Variants in WFS1 observed in about 807,000 individuals in gnomAD.
The protein encoded by WFS1 is wolframin.
A neutral mutation model predicts 68.5 loss-of-function variants in WFS1; 90 were observed. The observed-to-expected ratio is 1.31, with a 90% CI of 1.11 to 1.56. WFS1 has a LOEUF of 1.56. WFS1 is among the 40% of genes most tolerant of loss of function. The pLI is 0.00. For missense variants in WFS1, 1,767 were observed against 1,232.6 expected, an observed-to-expected ratio of 1.43 and a Z score of -6.49; for synonymous variants, 860 against 540.7, an observed-to-expected ratio of 1.59 and a Z score of -8.19.
chr4:6,279,406 G>A (rs373353469), intron 2 of WFS1, among the ~76,000 whole-genome samples: 7 of 152,338 alleles, frequency 4.6e-5, no homozygotes, highest in African/African-American at 1.7e-4. Context: ...GGAAACCGAG[G>A]GATAGAGGGC....
At chr4:6,271,125 C>T (rs1729826566) in intron 1 of WFS1, among the ~76,000 whole-genome samples, 1 of 152,228 alleles carries the variant, frequency 6.6e-6, no homozygotes, top group African/African-American at 2.4e-5. Flanking sequence ...GGAGAGGGAG[C>T]CCACGGGAAG....
At position 6,301,215 on chromosome 4, in the gene WFS1, A is replaced by G. The variant is rs773814197; in HGVS notation, c.1420A>G (p.Met474Val). 1.2e-6 allele frequency: 2 copies of G among 1,611,834 alleles called. No individual in the cohort carries two copies. Among genetic ancestry groups the G allele is most frequent in the Non-Finnish European group, 8.5e-7 (1 of 1,179,988 alleles). The change falls in exon 8 of 8, where the codon ATG (methionine) becomes GTG (valine). Residue 474 changes from methionine (M) to valine (V), a missense_variant. By Grantham distance (21) the Met-to-Val change is conservative (BLOSUM62 1). Coordinates refer to ENST00000226760, the MANE Select transcript of WFS1 (RefSeq NM_006005.3). ...TAGLLSLLPS[M>V]PLNWPYLKVL... ...CGGCCTGCTATCGCTGCTGCCCTCC[A>G]TGCCCTTGAATTGGCCCTACCTGAA...
At chr4:6,277,780 A>AGG in intron 2 of WFS1, 93 bp downstream of exon 2, 1 of 1,388,172 alleles carries the variant, frequency 7.2e-7, no homozygotes, top group Non-Finnish European at 9.9e-7. Context: ...TCCCCCCGCC[A>AGG]GGTCCTCTGC....
In WFS1 at chr4:6,302,709, T is replaced by A; in HGVS notation, c.*241T>A. The A allele has an allele frequency of 1.6e-6, 1 of 622,518 alleles. No individual in the cohort carries two copies. The highest frequency in any genetic ancestry group is 2.8e-6 in the Non-Finnish European group (1 of 362,596). 38.6% of individuals were successfully genotyped at this position (622,518 alleles called of 1,614,324 possible). On this transcript the variant is annotated 3_prime_UTR_variant, in exon 8 of 8. Coordinates refer to ENST00000226760, the MANE Select transcript of WFS1 (RefSeq NM_006005.3). Reference sequence around the variant, plus strand: ...TTGCATGCCATCTCCACCCTGAGCCTGACCTTTCTGAGTGACATGGGTGTG... The same window carrying A: ...TTGCATGCCATCTCCACCCTGAGCCAGACCTTTCTGAGTGACATGGGTGTG...
rs1467294169 is a variant in WFS1, at chr4:6,301,249, G to A, written c.1454G>A (p.Gly485Asp). The change falls in exon 8 of 8, where the codon GGC becomes GAC. Residue 485 changes from glycine to aspartate, a missense_variant. By Grantham distance (94) the Gly-to-Asp change is moderately conservative. Coordinates refer to ENST00000226760, the MANE Select transcript of WFS1 (RefSeq NM_006005.3). ...PLNWPYLKVL[G>D]QTFITVPVGH... ...AATTGGCCCTACCTGAAGGTCCTTG[G>A]CCAGACCTTCATCACCGTGCCTGTC... is the stretch of plus-strand genomic sequence containing the variant. 1.2e-6 allele frequency: 2 copies of A among 1,611,394 alleles called. No homozygotes were observed. The highest frequency in any genetic ancestry group is 1.1e-5 in the South Asian group (1 of 91,082).
intron 1 of WFS1, among the ~76,000 whole-genome samples, chr4:6,274,244 T>G (rs1729923017): frequency 6.6e-6 from 1 of 152,074 alleles, no homozygotes; most frequent in Admixed American, 6.5e-5. Context: ...AGACGGGGTT[T>G]CACTGTGTTA....
At chr4:6,292,219 C>A (rs71532855) in intron 6 of WFS1, among the ~76,000 whole-genome samples, 1 of 152,192 alleles carries the variant, frequency 6.6e-6, no homozygotes, top group Non-Finnish European at 1.5e-5. Flanking sequence ...TGGGAGTAGA[C>A]CCTGCCCACC....
At position 6,302,399 on chromosome 4, in the gene WFS1, C is replaced by T. The variant is rs776353377; in HGVS notation, c.2604C>T (p.Arg868=). The change falls in exon 8 of 8, where the codon CGC becomes CGT. Residue 868 remains arginine (R), a synonymous_variant. Transcript: ENST00000226760. The part of the protein sequence containing the change: ...RRHVKIEHDW[R]STVHGAVKFA... ...ACGTGAAGATCGAGCACGACTGGCG[C>T]AGCACCGTGCATGGCGCCGTGAAGT... 3.7e-6 allele frequency: 6 copies of T among 1,613,212 alleles called. No homozygotes were observed. The highest frequency in any genetic ancestry group is 2.2e-5 in the East Asian group (1 of 44,886).
intron 2 of WFS1, among the ~76,000 whole-genome samples, chr4:6,280,725 T>G (rs1730136774): frequency 6.6e-6 from 1 of 152,170 alleles, no homozygotes; most frequent in African/African-American, 2.4e-5. Context: ...GTGGCCCTGG[T>G]GGGCACTCAG....
chr4:6,301,091 G>GGCT lies in WFS1; in HGVS notation c.1298_1300dup (p.Ala433dup). ...AGGACTGCATCCCCTGCTCGGAGCT[G>GGCT]GCTGTCATCACCGGCTTCTTTACCG... On this transcript the variant is annotated inframe_insertion, in exon 8 of 8. Transcript: ENST00000226760. 1 of 1,614,012 alleles carries GGCT rather than the reference G, an allele frequency of 6.2e-7. No individual in the cohort carries two copies. The highest frequency in any genetic ancestry group is 8.5e-7 in the Non-Finnish European group (1 of 1,180,028).
At position 6,291,321 on chromosome 4, in the gene WFS1, G is replaced by T; in HGVS notation, c.585G>T (p.Val195=). Residue 195 remains valine (V), a synonymous_variant, in exon 5 of 8, where the codon GTG becomes GTT. Coordinates refer to ENST00000226760, the MANE Select transcript of WFS1 (RefSeq NM_006005.3). The stretch of plus-strand genomic sequence containing the variant: ...TCAACCCCAAGAAGAAGAAGCAGGT[G>T]GCCGTGGCGGAGCTGCTGGAGAATG... ...WKLNPKKKKQ[V]AVAELLENVG... is the part of the protein sequence containing the mutation. 1 of 1,613,426 alleles carries T rather than the reference G, an allele frequency of 6.2e-7. No homozygotes were observed. The highest frequency in any genetic ancestry group is 1.1e-5 in the South Asian group (1 of 91,070).
chr4:6,299,822 G>GTGTGTGAATGTGTATAGGGGTGGGT (rs1244487694), intron 7 of WFS1, among the ~76,000 whole-genome samples: 1 of 140,892 alleles, frequency 7.1e-6, no homozygotes, highest in Non-Finnish European at 1.5e-5. Context: ...TAGGTTGCGT[G>GTGTGTGAATGTGTATAGGGGTGGGT]TGTGTGAATG....
rs183980454 is a variant in WFS1, at chr4:6,291,379, C to T, written c.631+12C>T. On this transcript the variant is annotated intron_variant, in intron 5 of 7. Coordinates refer to ENST00000226760, the MANE Select transcript of WFS1 (RefSeq NM_006005.3). Reference sequence around the variant, plus strand: ...GGTCAACGAGCACGGTGCGAGGATTCACCCTGGGCACCAGCCTTCCCTGGG... The same window carrying T: ...GGTCAACGAGCACGGTGCGAGGATTTACCCTGGGCACCAGCCTTCCCTGGG... The T allele has an allele frequency of 1.6e-4, 260 of 1,610,992 alleles. No homozygotes were observed. The African/African-American group carries it at 2.7e-3, about 17-fold the overall frequency.
rs766111293 is a variant in WFS1, at chr4:6,301,537, G to A, written c.1742G>A (p.Gly581Asp). 1.2e-6 allele frequency: 2 copies of A among 1,613,894 alleles called. No individual in the cohort carries two copies. The highest frequency in any genetic ancestry group is 1.7e-6 in the Non-Finnish European group (2 of 1,180,046). ...PILVAGLALVGVLQFARWFTS... is the reference protein window; with the variant it reads ...PILVAGLALVDVLQFARWFTS... ...CTGGTGGCCGGCCTGGCCCTGGTGGGCGTGCTGCAGTTCGCCCGGTGGTTC... is the reference window on the plus strand; with the variant it reads ...CTGGTGGCCGGCCTGGCCCTGGTGGACGTGCTGCAGTTCGCCCGGTGGTTC... The change falls in exon 8 of 8, where the codon GGC (glycine) becomes GAC (aspartate). Residue 581 changes from glycine to aspartate, a missense_variant. Physicochemically the swap from Gly to Asp is moderately conservative, Grantham distance 94. Coordinates refer to ENST00000226760, the MANE Select transcript of WFS1 (RefSeq NM_006005.3).
intron 7 of WFS1, among the ~76,000 whole-genome samples, chr4:6,298,406 T>G (rs1367701978): frequency 6.6e-6 from 1 of 152,280 alleles, no homozygotes; most frequent in Non-Finnish European, 1.5e-5. Context: ...CCTGGCAGTG[T>G]GAGCGCCTCT....
rs863224268 is a variant in WFS1 at position 6,302,436 on chromosome 4, TTC to T, written c.2643_2644del (p.Phe883LeufsTer56). ...TGGCGCCGTGAAGTTCGCCTTCGACTTCTTTTTCTTCCCATTCCTGTCGGCGG... is the reference window on the plus strand; with the variant it reads ...TGGCGCCGTGAAGTTCGCCTTCGACTTTTTTCTTCCCATTCCTGTCGGCGG... ...VHGAVKFAFD[F>X]FFFPFLSAA On this transcript the variant is annotated frameshift_variant, in exon 8 of 8. Coordinates refer to ENST00000226760, the MANE Select transcript of WFS1 (RefSeq NM_006005.3). LOFTEE classifies it high-confidence loss of function. 6.8e-6 allele frequency: 11 copies of T among 1,613,166 alleles called. No homozygotes were observed. In the South Asian group the frequency reaches 9.9e-5, roughly 14 times the overall value.
Position 6,277,591 on chromosome 4 carries a change from C to T in WFS1, c.136C>T (p.Pro46Ser), listed in dbSNP as rs777306477. 1.3e-6 allele frequency: 2 copies of T among 1,580,436 alleles called. No individual in the cohort carries two copies. The highest frequency in any genetic ancestry group is 1.7e-6 in the Non-Finnish European group (2 of 1,163,390). The change falls in exon 2 of 8, where the codon CCC becomes TCC. Residue 46 changes from proline to serine, a missense_variant. By Grantham distance (74) the Pro-to-Ser change is moderately conservative. Coordinates refer to ENST00000226760, the MANE Select transcript of WFS1 (RefSeq NM_006005.3). ...ERSERPRAPGPQAGPGPGVRD... is the reference protein window; with the variant it reads ...ERSERPRAPGSQAGPGPGVRD... ...GAGCGAAAGGCCCCGAGCACCCGGA[C>T]CCCAGGCTGGCCCTGGCCCTGGTGT...
At chr4:6,285,990 T>A (rs993132105) in intron 2 of WFS1, among the ~76,000 whole-genome samples, 3 of 152,180 alleles carry the variant, frequency 2.0e-5, no homozygotes, top group African/African-American at 7.2e-5. Context: ...GGAGAACCTG[T>A]GCTAGGAAAA....
In WFS1 at chr4:6,287,779, C is replaced by A. The variant is rs994674119; in HGVS notation, c.315+604C>A. On this transcript the variant is annotated intron_variant, in intron 3 of 7. Coordinates refer to ENST00000226760, the MANE Select transcript of WFS1 (RefSeq NM_006005.3). The surrounding 1 kb of genome is among the most constrained non-coding windows in gnomAD (Gnocchi z 6.4). ...CTGAGACGGGAGGTGGCAGGGGGTC[C>A]TGTGTCCTCTGTGGAGGCAAGTTCT... 6.6e-6 allele frequency among the ~76,000 whole-genome samples: 1 copy of A among 152,160 alleles called. No homozygotes were observed. The highest frequency in any genetic ancestry group is 2.4e-5 in the African/African-American group (1 of 41,446).
Sources: allele counts gnomAD v4.1 joint callset (sites outside exome capture counted in the v4.1 genomes callset), GRCh38; gene constraint gnomAD v4.1.1; non-coding constraint Gnocchi (gnomAD v3.1); transcripts MANE v1.5; gene names NCBI Gene and HGNC (gene_info 2026-07-23, HGNC 2026-07-21).